The following AR variants were observed in gnomAD, a reference collection of about 807,000 sequenced individuals.
The protein encoded by AR is androgen receptor.
A neutral mutation model predicts 53.9 loss-of-function variants in AR; 8 were observed. The observed-to-expected ratio is 0.15, with a 90% CI of 0.09 to 0.27. The LOEUF is 0.27. Ranked by LOEUF, AR falls within the 10% of genes least tolerant of loss-of-function variation. The pLI is 1.00. For synonymous variants in AR, 359 were observed against 316.4 expected (o/e 1.13, Z -1.43); for missense variants, 639 against 742.5 (o/e 0.86, Z 1.62).
intron 5 of AR, among the ~76,000 whole-genome samples, chrX:67,717,828 A>G (rs1256995033): frequency 8.9e-6 from 1 of 112,689 alleles, no homozygotes; most frequent in Non-Finnish European, 1.9e-5. Flanking sequence ...TGGTGCTGAG[A>G]CCACCCCTTT....
At position 67,730,577 on chromosome X, in the gene AR, A is replaced by T. The variant is rs1658683436; in HGVS notation, c.*6736A>T. 3 of 169,679 alleles carry T rather than the reference A, an allele frequency of 1.8e-5. No homozygotes were observed. Among genetic ancestry groups the T allele is most frequent in the Non-Finnish European group, 3.4e-5 (3 of 87,838 alleles). 14.0% of individuals were successfully genotyped at this position (169,679 alleles called of 1,213,427 possible). A position where few individuals can be genotyped will look rare whatever the true frequency, so the allele number is the denominator to read the frequency against. ...GAAAAGCTGCTAATGTCCTCTTATC[A>T]TTGTTGTTAATTTGTTAAAACATAA... On this transcript the variant is annotated 3_prime_UTR_variant, in exon 8 of 8. Transcript: ENST00000374690.
chrX:67,658,510 T>C, intron 2 of AR, among the ~76,000 whole-genome samples: 1 of 112,128 alleles, frequency 8.9e-6, no homozygotes. Context: ...AGTGTGCAGC[T>C]CTTCACAAGT....
At chrX:67,672,155 C>T (rs1232792503) in intron 2 of AR, among the ~76,000 whole-genome samples, 3 of 111,714 alleles carry the variant, frequency 2.7e-5, no homozygotes, top group Non-Finnish European at 5.6e-5. Flanking sequence ...TCCATTATAT[C>T]ACTCTGTATG....
chrX:67,658,532 G>A (rs931089636), intron 2 of AR, among the ~76,000 whole-genome samples: 2 of 111,752 alleles, frequency 1.8e-5, no homozygotes, highest in African/African-American at 3.3e-5. Context: ...TGATCATAGC[G>A]TACTACACCC....
At chrX:67,647,714 G>C (rs1293397562) in intron 2 of AR, among the ~76,000 whole-genome samples, 1 of 111,209 alleles carries the variant, frequency 9.0e-6, no homozygotes, top group Non-Finnish European at 1.9e-5. Context: ...AGATTTAGGG[G>C]TTGGTTAACT....
intron 3 of AR, among the ~76,000 whole-genome samples, chrX:67,696,478 G>A (rs190660868): frequency 1.6e-3 from 176 of 111,833 alleles, no homozygotes; most frequent in African/African-American, 5.7e-3. Flanking sequence ...GCAAGGATGT[G>A]CAGCATTGCA....
At chrX:67,685,250 A>G (rs2075959388) in intron 2 of AR, among the ~76,000 whole-genome samples, 1 of 111,912 alleles carries the variant, frequency 8.9e-6, no homozygotes. Context: ...AGCGTAAAGG[A>G]GCAAAGTATT....
At chrX:67,712,980 G>C (rs1267538543) in intron 4 of AR, among the ~76,000 whole-genome samples, 2 of 111,585 alleles carry the variant, frequency 1.8e-5, no homozygotes, top group African/African-American at 6.5e-5. Context: ...AGAATGATGT[G>C]ATTGGCCTAT....
At chrX:67,721,683 A>G in intron 5 of AR, 150 bp from the exon 6 acceptor site, 2 of 788,284 alleles carry the variant, frequency 2.5e-6, no homozygotes, top group Non-Finnish European at 3.7e-6. Context: ...AACAAACAAA[A>G]AAACCTTTTC....
rs755686403 is a variant in AR, at chrX:67,545,313, T to TGCAGCAGCAGCAGCA, written c.169_170insAGCAGCAGCAGCAGC (p.Leu56_Leu57insGlnGlnGlnGlnGln). ...GCACCTCCCGGCGCCAGTTTGCTGC[T>TGCAGCAGCAGCAGCA]GCTGCAGCAGCAGCAGCAGCAGCAG... On this transcript the variant is annotated inframe_insertion, in exon 1 of 8. Transcript: ENST00000374690. 8.2e-6 allele frequency: 9 copies of TGCAGCAGCAGCAGCA among 1,099,097 alleles called. No individual in the cohort carries two copies. Among genetic ancestry groups the TGCAGCAGCAGCAGCA allele is most frequent in the South Asian group, 4.0e-5 (2 of 50,087 alleles). The allele number at this position is 1,099,097 out of a possible 1,213,427, so 90.6% of individuals were successfully genotyped here.
intron 1 of AR, among the ~76,000 whole-genome samples, chrX:67,583,452 A>G (rs757506506): frequency 8.1e-5 from 9 of 111,718 alleles, no homozygotes; most frequent in Admixed American, 3.8e-4. Flanking sequence ...TGGCCATTAC[A>G]TTGCCATGGG....
chrX:67,711,905 T>C (rs1007377319), intron 4 of AR, among the ~76,000 whole-genome samples: 2 of 112,221 alleles, frequency 1.8e-5, no homozygotes, highest in African/African-American at 6.5e-5. Flanking sequence ...GGGTGTCTTA[T>C]GTGGCCCACA....
At position 67,694,724 on chromosome X, in the gene AR, GA is replaced by G. The variant is rs1185256777; in HGVS notation, c.1885+8601del. ...CATCTCAAAATGACCAGACCCTGAA[GA>G]AAGGCTGACTTGCCTCATTCAAAAT... On this transcript the variant is annotated intron_variant, in intron 3 of 7. Coordinates refer to ENST00000374690, the MANE Select transcript of AR (RefSeq NM_000044.6). 10 of 1,152,944 alleles carry G rather than the reference GA, an allele frequency of 8.7e-6. No homozygotes were observed. The African/African-American group carries it at 1.6e-4, about 19-fold the overall frequency.
chrX:67,660,785 A>G (rs954149743), intron 2 of AR, among the ~76,000 whole-genome samples: 1 of 111,545 alleles, frequency 9.0e-6, no homozygotes, highest in African/African-American at 3.3e-5. Flanking sequence ...ATGGCATTGA[A>G]TCTATAAATT....
chrX:67,659,611 T>C (rs112797582), intron 2 of AR, among the ~76,000 whole-genome samples: 7,719 of 111,639 alleles, frequency 0.069, 665 homozygotes, highest in African/African-American at 0.24. Context: ...TTAATCCAGT[T>C]TATCATTGAT....
At chrX:67,717,802 C>T (rs1036849016) in intron 5 of AR, among the ~76,000 whole-genome samples, 180 bp downstream of exon 5, 1 of 113,015 alleles carries the variant, frequency 8.8e-6, no homozygotes, top group African/African-American at 3.2e-5. Context: ...AGCCAACTGG[C>T]AGGAGCCCAG....
chrX:67,554,502 A>G (rs755187186), intron 1 of AR, among the ~76,000 whole-genome samples: 57 of 111,781 alleles, frequency 5.1e-4, no homozygotes, highest in African/African-American at 1.8e-3. Context: ...CTTCATTAAC[A>G]CTCTAGGCTA....
chrX:67,699,226 T>A (rs1196326509), intron 3 of AR, among the ~76,000 whole-genome samples: 1 of 112,617 alleles, frequency 8.9e-6, no homozygotes, highest in Non-Finnish European at 1.9e-5. Flanking sequence ...AGATTCTCAG[T>A]TCAGGGTCTC....
At position 67,680,277 on chromosome X, in the gene AR, T is replaced by G. The variant is rs138941203; in HGVS notation, c.1769-5733T>G. ...CAGTATCAAACTGTTGTAATCATTA[T>G]GCCTTTAGATACTTTAAATGTACAG... On this transcript the variant is annotated intron_variant, in intron 2 of 7. Transcript: ENST00000374690. Among the ~76,000 whole-genome samples the G allele has an allele frequency of 8.9e-5, 10 of 112,225 alleles. No homozygotes were observed. The East Asian group carries it at 2.5e-3, about 28-fold the overall frequency.
Sources: gnomAD v4.1 joint callset for allele counts (sites outside exome capture counted in the v4.1 genomes callset) on GRCh38, gnomAD v4.1.1 for gene constraint, MANE v1.5 for transcripts, NCBI Gene and HGNC (gene_info 2026-07-23, HGNC 2026-07-21) for gene names.